The following PRICKLE2 variants were observed in gnomAD, a reference collection of about 807,000 sequenced individuals.
The protein encoded by PRICKLE2 is prickle-like protein 2.
PRICKLE2 carries 21 observed loss-of-function variants against 81.4 expected under a neutral mutation model. The ratio of observed to expected loss-of-function variants is 0.26; its 90% CI spans 0.18 to 0.37. The LOEUF is 0.37. Among genes scored for constraint, PRICKLE2 ranks in the 10% least tolerant of loss-of-function variants. The pLI, the probability that PRICKLE2 is intolerant of heterozygous loss-of-function variation, is 1.00. For missense variants in PRICKLE2, 940 were observed against 1,109.0 expected, an observed-to-expected ratio of 0.85 and a Z score of 2.16; for synonymous variants, 456 against 421.5, an observed-to-expected ratio of 1.08 and a Z score of -1.00.
rs79881162 is a variant in PRICKLE2 at position 64,242,152 on chromosome 3, C to T, written c.129-43185G>A. Reference sequence around the variant, plus strand: ...TATTTGGAGCCTTCCACCTTCATCCCGCTTTTCTTTCCTCTTCTTCTGTCC... The same window carrying T: ...TATTTGGAGCCTTCCACCTTCATCCTGCTTTTCTTTCCTCTTCTTCTGTCC... On this transcript the variant is annotated intron_variant, in intron 2 of 8. Coordinates refer to the PRICKLE2 transcript ENST00000295902. Among the ~76,000 whole-genome samples the T allele has an allele frequency of 3.5e-4, 53 of 152,206 alleles. No homozygotes were observed. The East Asian group carries it at 8.9e-3, about 26-fold the overall frequency.
At chr3:64,189,222 C>T (rs887329099) in intron 2 of PRICKLE2, among the ~76,000 whole-genome samples, 6 of 152,268 alleles carry the variant, frequency 3.9e-5, no homozygotes, top group East Asian at 1.9e-4. Context: ...TAAGGATAAA[C>T]AGAGATTGTC....
At chr3:64,160,580 G>A (rs1293848051) in intron 3 of PRICKLE2, among the ~76,000 whole-genome samples, 1 of 152,170 alleles carries the variant, frequency 6.6e-6, no homozygotes, top group Non-Finnish European at 1.5e-5. Flanking sequence ...TGGAAAAACA[G>A]GGAAACAAAG....
intron 7 of PRICKLE2, among the ~76,000 whole-genome samples, chr3:64,116,741 A>G (rs919301896): frequency 6.6e-6 from 1 of 152,204 alleles, no homozygotes; most frequent in East Asian, 1.9e-4. Flanking sequence ...GATCAGATGG[A>G]TTCACAGCTG....
chr3:64,187,545 T>C (rs915500124), intron 2 of PRICKLE2: 4 of 152,234 alleles, frequency 2.6e-5, no homozygotes, highest in African/African-American at 9.6e-5. Context: ...TGAAATTCCA[T>C]TTTGATCTCA....
chr3:64,190,326 C>T (rs1040128869), intron 2 of PRICKLE2: 2 of 152,028 alleles, frequency 1.3e-5, no homozygotes, highest in Admixed American at 1.3e-4. Context: ...TTGTAAAGCA[C>T]CCAGGAAAAT....
chr3:64,172,097 A>G (rs1290080726), intron 2 of PRICKLE2, among the ~76,000 whole-genome samples: 6 of 152,190 alleles, frequency 3.9e-5, no homozygotes, highest in Non-Finnish European at 5.9e-5. Context: ...TTAAACTTCA[A>G]TGTTTTGTTA....
chr3:64,250,095 A>T, intron 2 of PRICKLE2, among the ~76,000 whole-genome samples: 1 of 152,132 alleles, frequency 6.6e-6, no homozygotes, highest in Non-Finnish European at 1.5e-5. Context: ...TCACCTCTCA[A>T]CCACAGCATC....
chr3:64,114,491 A>G (rs976874875), intron 7 of PRICKLE2, among the ~76,000 whole-genome samples: 7 of 152,204 alleles, frequency 4.6e-5, no homozygotes, highest in African/African-American at 1.7e-4. Context: ...ACAATGCAGG[A>G]GCTGACAGAC....
chr3:64,147,032 C>A lies in PRICKLE2; in HGVS notation c.1458G>T (p.Met486Ile). The A allele has an allele frequency of 1.2e-6, 2 of 1,614,122 alleles. No homozygotes were observed. The highest frequency in any genetic ancestry group is 1.7e-6 in the Non-Finnish European group (2 of 1,180,034). The change falls in exon 7 of 8, where the codon ATG becomes ATT. Residue 486 changes from methionine to isoleucine, a missense_variant. By Grantham distance (10) the Met-to-Ile change is conservative. This residue lies in a region of PRICKLE2 where 670 missense variants were observed against 717.2 expected (regional missense o/e 0.93). Coordinates refer to ENST00000638394, the MANE Select transcript of PRICKLE2 (RefSeq NM_198859.4). This position sits in a 1 kb window ranked among gnomAD's most constrained non-coding sequence, Gnocchi z 5.0. ...GGGTCTCACTGAAACTCTGACTAGA[C>A]ATATCACTGTAGCTCTCCTGAGATC... ...RLRSQESYSD[M>I]SSQSFSETRG... is the part of the protein sequence containing the mutation.
chr3:64,247,196 G>A (rs1434837193), intron 2 of PRICKLE2, among the ~76,000 whole-genome samples: 1 of 152,054 alleles, frequency 6.6e-6, no homozygotes, highest in African/African-American at 2.4e-5. Context: ...TCCCTGAATA[G>A]ACGACACATT....
rs1475095102 is a variant in PRICKLE2, at chr3:64,157,182, G to A, written c.580C>T (p.Arg194Cys). The stretch of plus-strand genomic sequence containing the variant: ...CTAACCTCATCGCAGGCAGCACAGC[G>A]CGGCTTCAGGCACTCAGCATGGTGC... ...GRHHAECLKP[R>C]CAACDEIIFA... Residue 194 changes from arginine (R) to cysteine (C), a missense_variant, in exon 5 of 8, where the codon CGC becomes TGC. Transcript: ENST00000638394. 6.2e-7 allele frequency: 1 copy of A among 1,614,112 alleles called. No individual in the cohort carries two copies.
chr3:64,206,765 C>G (rs996933661), intron 1 of PRICKLE2, among the ~76,000 whole-genome samples: 2 of 152,216 alleles, frequency 1.3e-5, no homozygotes, highest in Admixed American at 1.3e-4. Context: ...CCAAGGCAGG[C>G]AAGGCCAGAG....
chr3:64,195,029 A>G (rs2078423542), intron 2 of PRICKLE2, among the ~76,000 whole-genome samples: 1 of 152,060 alleles, frequency 6.6e-6, no homozygotes, highest in Non-Finnish European at 1.5e-5. Context: ...GTGGCAGCAA[A>G]ACCCTGTCTC....
At chr3:64,256,660 T>G (rs2079529260) in intron 2 of PRICKLE2, among the ~76,000 whole-genome samples, 1 of 152,226 alleles carries the variant, frequency 6.6e-6, no homozygotes, top group Non-Finnish European at 1.5e-5. Flanking sequence ...TGTGAGATAT[T>G]ATAATCCTAT....
At chr3:64,214,671 C>G (rs1301183620) in intron 1 of PRICKLE2, among the ~76,000 whole-genome samples, 1 of 151,988 alleles carries the variant, frequency 6.6e-6, no homozygotes, top group African/African-American at 2.4e-5. Context: ...GGAAAGAAGC[C>G]CTTGATGAAT....
chr3:64,173,850 G>A (rs145868381), intron 2 of PRICKLE2, among the ~76,000 whole-genome samples: 8 of 152,278 alleles, frequency 5.3e-5, no homozygotes, highest in African/African-American at 1.9e-4. Context: ...CGAATCTCCA[G>A]AATTTTGCCC....
intron 1 of PRICKLE2, among the ~76,000 whole-genome samples, chr3:64,221,772 A>G (rs2078959379): frequency 6.6e-6 from 1 of 152,192 alleles, no homozygotes; most frequent in African/African-American, 2.4e-5. Context: ...GTGCTTACAG[A>G]CAGCACAGAA....
intron 2 of PRICKLE2, among the ~76,000 whole-genome samples, chr3:64,261,614 C>T (rs1057067897): frequency 6.6e-6 from 1 of 152,062 alleles, no homozygotes; most frequent in African/African-American, 2.4e-5. Flanking sequence ...AAGCTAAGAT[C>T]TCAATGGTGA....
rs114849646 is a variant in PRICKLE2 at position 64,168,617 on chromosome 3, C to T, written c.145-5488G>A. Among the ~76,000 whole-genome samples, 1,219 of 152,244 alleles carry T rather than the reference C, an allele frequency of 8.0e-3. 19 individuals carry two copies. The highest frequency in any genetic ancestry group is 0.027 in the African/African-American group (1,111 of 41,514). On this transcript the variant is annotated intron_variant, in intron 2 of 7. Coordinates refer to ENST00000638394, the MANE Select transcript of PRICKLE2 (RefSeq NM_198859.4). ...ACTCTGGAGGTGGGTATTTCATACT[C>T]ATCAGATTGAATATCACATAGTTAC...
Sources: gnomAD v4.1 joint callset for allele counts (sites outside exome capture counted in the v4.1 genomes callset) on GRCh38, gnomAD v4.1.1 for gene constraint, gnomAD v4.1.1 regional missense constraint, Gnocchi (gnomAD v3.1) non-coding constraint, MANE v1.5 for transcripts, NCBI Gene and HGNC (gene_info 2026-07-23, HGNC 2026-07-21) for gene names.